The following IQSEC1 variants were observed in gnomAD, a reference collection of about 807,000 sequenced individuals.
IQSEC1 encodes the protein IQ motif and SEC7 domain-containing protein 1.
IQSEC1 carries 31 observed loss-of-function variants against 91.0 expected under a neutral mutation model. The ratio of observed to expected loss-of-function variants is 0.34; its 90% CI spans 0.26 to 0.46. The LOEUF (loss-of-function observed/expected upper bound fraction) is 0.46, where lower values mean the gene tolerates loss of function less well. Among genes scored for constraint, IQSEC1 ranks in the 20% least tolerant of loss-of-function variants. The pLI, the probability that IQSEC1 is intolerant of heterozygous loss-of-function variation, is 1.00. For synonymous variants in IQSEC1, 699 were observed against 662.6 expected (o/e 1.05, Z -0.84); for missense variants, 1,388 against 1,575.6 (o/e 0.88, Z 2.02).
intron 1 of IQSEC1, among the ~76,000 whole-genome samples, chr3:12,998,273 C>G (rs1702295366): frequency 6.6e-6 from 1 of 152,140 alleles, no homozygotes; most frequent in Non-Finnish European, 1.5e-5. Context: ...TCACCTGAAC[C>G]AGGGGAGACT....
In IQSEC1 at chr3:13,119,634, C is replaced by T. The variant is rs149407615; in HGVS notation, c.302+44470G>A. On this transcript the variant is annotated intron_variant, in intron 2 of 15. Coordinates refer to the IQSEC1 transcript ENST00000648114. ...CTTTCATGCACTCACAAAAAGCAGA[C>T]GGTGGGCTGGATGTGGCCTGGGGGC... 4.6e-5 allele frequency among the ~76,000 whole-genome samples: 7 copies of T among 152,332 alleles called. No homozygotes were observed. In the South Asian group the frequency reaches 6.2e-4, roughly 14 times the overall value.
chr3:13,022,067 T>A, intron 1 of IQSEC1: 1 of 1,231,666 alleles, frequency 8.1e-7, no homozygotes. Context: ...TACTTCCACA[T>A]AAGGCTCCAC....
Position 13,191,477 on chromosome 3 carries a change from A to ATTTTTTTTTTTTTTTTTTTTTT in IQSEC1, c.273-27366_273-27345dup, listed in dbSNP as rs57912681. ...AGCTCCCAGTCCCCACACCCAGCTA[A>ATTTTTTTTTTTTTTTTTTTTTT]TTTTTTTTTTTTTTTTTTTTTTTTT... is the stretch of plus-strand genomic sequence containing the variant. On this transcript the variant is annotated intron_variant, in intron 1 of 15. Coordinates refer to the IQSEC1 transcript ENST00000648114. Among the ~76,000 whole-genome samples, 9 of 92,104 alleles carry ATTTTTTTTTTTTTTTTTTTTTT rather than the reference A, an allele frequency of 9.8e-5. 1 individual carries two copies. The highest frequency in any genetic ancestry group is 1.4e-4 in the Non-Finnish European group (7 of 50,962). The allele number at this position is 92,104 out of a possible 152,430, so 60.4% of individuals were successfully genotyped here. A position where few individuals can be genotyped will look rare whatever the true frequency, so the allele number is the denominator to read the frequency against.
intron 2 of IQSEC1, among the ~76,000 whole-genome samples, chr3:13,136,387 C>A (rs546772905): frequency 1.3e-5 from 2 of 152,270 alleles, no homozygotes; most frequent in East Asian, 3.9e-4. Context: ...CGGGAATGAT[C>A]CCTTAAACGA....
At chr3:13,275,887 C>T (rs888231607) in intron 1 of IQSEC1, among the ~76,000 whole-genome samples, 1 of 152,208 alleles carries the variant, frequency 6.6e-6, no homozygotes, top group African/African-American at 2.4e-5. Flanking sequence ...GGCGCTCTAC[C>T]GATGTGAGCT....
At chr3:13,101,212 T>A (rs376663661) in intron 2 of IQSEC1, among the ~76,000 whole-genome samples, 7 of 152,212 alleles carry the variant, frequency 4.6e-5, no homozygotes, top group Admixed American at 2.0e-4. Flanking sequence ...CTGGGCGCGG[T>A]GGCTCACGCC....
rs886854036 is a variant in IQSEC1 at position 13,105,367 on chromosome 3, G to A, written c.303-57845C>T. 3.9e-5 allele frequency among the ~76,000 whole-genome samples: 6 copies of A among 152,160 alleles called. No homozygotes were observed. In the East Asian group the frequency reaches 5.8e-4, roughly 15 times the overall value. ...CCAGGGTCCTGGCCACACATCCCAG[G>A]GTTCTCCCGCTGTCCTCTGGGATGG... On this transcript the variant is annotated intron_variant, in intron 2 of 15. Coordinates refer to the IQSEC1 transcript ENST00000648114.
chr3:13,157,696 T>G (rs7652712), intron 2 of IQSEC1, among the ~76,000 whole-genome samples: 86,370 of 152,078 alleles, frequency 0.57, 24,618 homozygotes, highest in Middle Eastern at 0.61. Flanking sequence ...TACAAGCAGC[T>G]GCTACCACCT....
At chr3:13,200,040 C>A (rs1341444753) in intron 1 of IQSEC1, among the ~76,000 whole-genome samples, 1 of 144,472 alleles carries the variant, frequency 6.9e-6, no homozygotes, top group Non-Finnish European at 1.5e-5. Flanking sequence ...ACACACCACA[C>A]ACTACACACG....
chr3:12,944,022 G>T (rs1698996845), intron 1 of IQSEC1, among the ~76,000 whole-genome samples: 1 of 152,202 alleles, frequency 6.6e-6, no homozygotes, highest in African/African-American at 2.4e-5. Context: ...AATGAAGAGG[G>T]GGTCCCAGGG....
intron 2 of IQSEC1, among the ~76,000 whole-genome samples, chr3:13,124,570 C>T (rs1393492731): frequency 2.6e-5 from 4 of 152,184 alleles, no homozygotes; most frequent in Non-Finnish European, 4.4e-5. Context: ...ATGGCACTGC[C>T]CCCTTCCACA....
chr3:13,152,815 A>T (rs967582395), intron 2 of IQSEC1, among the ~76,000 whole-genome samples: 1 of 152,234 alleles, frequency 6.6e-6, no homozygotes, highest in Admixed American at 6.5e-5. Flanking sequence ...GGTTGCAGTG[A>T]GCCAAGATCA....
rs959171386 is a variant in IQSEC1, at chr3:12,899,726, A to T, written c.*1257T>A. On this transcript the variant is annotated 3_prime_UTR_variant, in exon 14 of 14. Transcript: ENST00000613206. The stretch of plus-strand genomic sequence containing the variant: ...AGAAAACAAAACGGGAAACACACAC[A>T]CCGCCCTGGGTTGCTAAACGCTAAA... 1.0e-6 allele frequency: 1 copy of T among 985,018 alleles called. No homozygotes were observed. The highest frequency in any genetic ancestry group is 1.8e-5 in the African/African-American group (1 of 57,142). The allele number at this position is 985,018 out of a possible 1,614,324, so 61.0% of individuals were successfully genotyped here.
At chr3:13,081,382 C>G (rs1391637642) in intron 2 of IQSEC1, among the ~76,000 whole-genome samples, 1 of 152,210 alleles carries the variant, frequency 6.6e-6, no homozygotes, top group East Asian at 1.9e-4. Context: ...AATCCTCCCA[C>G]CTCGGCCTTC....
chr3:12,903,863 T>C (rs1694663025), intron 12 of IQSEC1, among the ~76,000 whole-genome samples: 1 of 152,172 alleles, frequency 6.6e-6, no homozygotes, highest in Non-Finnish European at 1.5e-5. Context: ...GTCAACCCTA[T>C]AGGCGCCACT....
At position 12,958,754 on chromosome 3, in the gene IQSEC1, C is replaced by A. The variant is rs73813743; in HGVS notation, c.24-16889G>T. On this transcript the variant is annotated intron_variant, in intron 1 of 13. Coordinates refer to ENST00000613206, the MANE Select transcript of IQSEC1 (RefSeq NM_001134382.3). ...TGGCTTGTTTTGGCTTCTAAGCCAA[C>A]TAAGCTGGGTTGGGGGCACTCTATG... 5.1e-3 allele frequency among the ~76,000 whole-genome samples: 781 copies of A among 152,336 alleles called. 6 individuals are homozygous for A. Among genetic ancestry groups the A allele is most frequent in the African/African-American group, 0.018 (733 of 41,568 alleles).
chr3:13,154,805 C>CAATAGAGG (rs1707060261), intron 2 of IQSEC1, among the ~76,000 whole-genome samples: 1 of 151,610 alleles, frequency 6.6e-6, no homozygotes, highest in Non-Finnish European at 1.5e-5. Flanking sequence ...AAGAAATCAA[C>CAATAGAGG]AATAGAGGAA....
intron 1 of IQSEC1, among the ~76,000 whole-genome samples, chr3:13,043,127 T>C (rs1333393431): frequency 6.6e-6 from 1 of 152,166 alleles, no homozygotes; most frequent in Non-Finnish European, 1.5e-5. Context: ...GCTCATTGGC[T>C]GCCGGCAGGG....
intron 1 of IQSEC1, among the ~76,000 whole-genome samples, chr3:13,183,427 ATGGTGGTGCAGGCCTGTGGTC>A (rs1164588041): frequency 6.9e-6 from 1 of 143,980 alleles, no homozygotes; most frequent in Non-Finnish European, 1.5e-5. Context: ...TTAGCTGGGC[ATGGTGGTGCAGGCCTGTGGTC>A]CCAGCTACTT....
Sources: allele counts gnomAD v4.1 joint callset (sites outside exome capture counted in the v4.1 genomes callset), GRCh38; gene constraint gnomAD v4.1.1; transcripts MANE v1.5; gene names NCBI Gene and HGNC (gene_info 2026-07-23, HGNC 2026-07-21).